The following PWWP2A variants were observed in gnomAD, a reference collection of about 807,000 sequenced individuals.
The protein encoded by PWWP2A is PWWP domain-containing protein 2A.
PWWP2A carries 18 observed loss-of-function variants against 48.5 expected under a neutral mutation model. The ratio of observed to expected loss-of-function variants is 0.37; its 90% CI spans 0.26 to 0.55. PWWP2A has a LOEUF of 0.55. Among genes scored for constraint, PWWP2A ranks in the 20% least tolerant of loss-of-function variants. The probability of loss-of-function intolerance (pLI) is 0.81; values close to 1 mark genes in which losing one functional copy is unlikely to be tolerated. For synonymous variants in PWWP2A, 396 were observed against 387.7 expected (o/e 1.02, Z -0.25); for missense variants, 867 against 976.4 (o/e 0.89, Z 1.49).
At position 160,110,217 on chromosome 5, in the gene PWWP2A, T is replaced by C. The variant is rs148850407; in HGVS notation, c.584+8588A>G. Among the ~76,000 whole-genome samples, 1,300 of 151,838 alleles carry C rather than the reference T, an allele frequency of 8.6e-3. 13 individuals carry two copies. Among genetic ancestry groups the C allele is most frequent in the Middle Eastern group, 0.021 (6 of 292 alleles). On this transcript the variant is annotated intron_variant, in intron 1 of 1. Coordinates refer to ENST00000307063, the MANE Select transcript of PWWP2A (RefSeq NM_001130864.2). Reference sequence around the variant, plus strand: ...TTTAATTTTTATAGCAGAGATAGGGTATCACCATGTTGGCCAGGCTGGTCT... The same window carrying C: ...TTTAATTTTTATAGCAGAGATAGGGCATCACCATGTTGGCCAGGCTGGTCT...
In PWWP2A at chr5:160,100,155, G is replaced by C. The variant is rs188069885; in HGVS notation, c.585-6090C>G. 4.2e-3 allele frequency among the ~76,000 whole-genome samples: 643 copies of C among 151,656 alleles called. 6 individuals are homozygous for C. The highest frequency in any genetic ancestry group is 0.014 in the African/African-American group (587 of 41,408). On this transcript the variant is annotated intron_variant, in intron 1 of 1. Coordinates refer to ENST00000307063, the MANE Select transcript of PWWP2A (RefSeq NM_001130864.2). Reference sequence around the variant, plus strand: ...ATCTCTACTAAAAATACAAAAATGAGCAAGGCATGGTGGCGCACACCTATA... The same window carrying C: ...ATCTCTACTAAAAATACAAAAATGACCAAGGCATGGTGGCGCACACCTATA...
intron 1 of PWWP2A, among the ~76,000 whole-genome samples, chr5:160,099,516 G>A (rs975992323): frequency 3.3e-5 from 5 of 152,156 alleles, no homozygotes; most frequent in South Asian, 2.1e-4. Context: ...TAATAGAGAC[G>A]TGGTCTCCCT....
the PWWP2A span, among the ~76,000 whole-genome samples, chr5:160,044,794 C>T: frequency 6.6e-6 from 1 of 152,184 alleles, no homozygotes; most frequent in African/African-American, 2.4e-5. Context: ...GGGAATGCAG[C>T]CCAGTAGGTC....
At chr5:160,103,135 T>C (rs927463710) in intron 1 of PWWP2A, among the ~76,000 whole-genome samples, 2 of 152,166 alleles carry the variant, frequency 1.3e-5, no homozygotes, top group Admixed American at 6.5e-5. Flanking sequence ...ACATAGAGAA[T>C]GACAAATTAA....
At chr5:160,067,401 G>T (rs1425315106) in intron 2 of PWWP2A, among the ~76,000 whole-genome samples, 1 of 152,154 alleles carries the variant, frequency 6.6e-6, no homozygotes, top group Non-Finnish European at 1.5e-5. Context: ...GTCACATCGT[G>T]CCTTGAGCTC....
chr5:160,118,027 A>C (rs1758312255), intron 1 of PWWP2A: 1 of 289,408 alleles, frequency 3.5e-6, no homozygotes, highest in Non-Finnish European at 5.2e-6. Context: ...AAAAATGAAA[A>C]TGTGGTTAAG....
At chr5:160,096,193 A>G (rs1436380003) in intron 1 of PWWP2A, among the ~76,000 whole-genome samples, 2 of 152,084 alleles carry the variant, frequency 1.3e-5, no homozygotes, top group Non-Finnish European at 2.9e-5. Flanking sequence ...AACTTACAGC[A>G]AATACTTACA....
At chr5:160,052,745 A>G in the PWWP2A span, among the ~76,000 whole-genome samples, 5 of 152,080 alleles carry the variant, frequency 3.3e-5, no homozygotes, top group Non-Finnish European at 5.9e-5. Context: ...TGGAATTAAA[A>G]CTTCCATTTG....
intron 2 of PWWP2A, among the ~76,000 whole-genome samples, chr5:160,084,574 G>T (rs1038741101): frequency 6.6e-6 from 1 of 151,294 alleles, no homozygotes; most frequent in African/African-American, 2.4e-5. Flanking sequence ...GACTACAGGC[G>T]TGCACCACCG....
At position 160,078,986 on chromosome 5, in the gene PWWP2A, A is replaced by G. The variant is rs1273965223; in HGVS notation, c.1670-818T>C. Among the ~76,000 whole-genome samples the G allele has an allele frequency of 6.6e-6, 1 of 152,236 alleles. No homozygotes were observed. Among genetic ancestry groups the G allele is most frequent in the Non-Finnish European group, 1.5e-5 (1 of 68,042 alleles). On this transcript the variant is annotated intron_variant, in intron 3 of 3. Coordinates refer to the PWWP2A transcript ENST00000456329. The surrounding 1 kb of genome is among the most constrained non-coding windows in gnomAD (Gnocchi z 4.2). ...CTCCGTCTAATACTACGAAGTAGAA[A>G]GAAGCCCACTGAAACCCTCTACAAT...
intron 1 of PWWP2A, among the ~76,000 whole-genome samples, chr5:160,110,567 G>A (rs1757455656): frequency 6.6e-6 from 1 of 151,698 alleles, no homozygotes; most frequent in South Asian, 2.1e-4. Flanking sequence ...TTAGCCAGGT[G>A]TGGTGGTGCA....
rs947724719 is a variant in PWWP2A at position 160,119,299 on chromosome 5, G to A, written c.90C>T (p.Ile30=). 3 of 1,384,134 alleles carry A rather than the reference G, an allele frequency of 2.2e-6. No homozygotes were observed. Among genetic ancestry groups the A allele is most frequent in the Non-Finnish European group, 2.8e-6 (3 of 1,075,746 alleles). The allele number at this position is 1,384,134 out of a possible 1,614,324, so 85.7% of individuals were successfully genotyped here. A position where few individuals can be genotyped will look rare whatever the true frequency, so the allele number is the denominator to read the frequency against. The change falls in exon 1 of 2, where the codon ATC becomes ATT. Residue 30 remains isoleucine (I), a synonymous_variant. Coordinates refer to ENST00000307063, the MANE Select transcript of PWWP2A (RefSeq NM_001130864.2). Reference sequence around the variant, plus strand: ...GGTCAGTGCCGGCCTCACTGCCGGGGATGGGCTCCATCTCCGGCTCGGCCT... The same window carrying A: ...GGTCAGTGCCGGCCTCACTGCCGGGAATGGGCTCCATCTCCGGCTCGGCCT... The part of the protein sequence containing the change: ...AGEAEPEMEP[I]PGSEAGTDPL...
intron 1 of PWWP2A, among the ~76,000 whole-genome samples, chr5:160,099,323 G>C (rs1003791351): frequency 4.6e-5 from 7 of 152,128 alleles, no homozygotes; most frequent in Admixed American, 4.6e-4. Flanking sequence ...ATGTGTTAAC[G>C]TATTAGTGAC....
chr5:160,094,316 A>C (rs889283637), intron 1 of PWWP2A, among the ~76,000 whole-genome samples: 2 of 152,260 alleles, frequency 1.3e-5, no homozygotes, highest in African/African-American at 4.8e-5. Flanking sequence ...GACTATACTT[A>C]AAGTAGATAT....
At chr5:160,110,971 TCA>T (rs1757503592) in intron 1 of PWWP2A, among the ~76,000 whole-genome samples, 1 of 99,034 alleles carries the variant, frequency 1.0e-5, no homozygotes. Flanking sequence ...AGACTCTGTC[TCA>T]AAAAAAAAAA....
downstream of PWWP2A, among the ~76,000 whole-genome samples, chr5:160,071,578 A>G (rs1006303648): frequency 1.3e-5 from 2 of 152,222 alleles, no homozygotes; most frequent in Non-Finnish European, 2.9e-5. Context: ...TAAGAGGAAG[A>G]GTCCAATAAT....
intron 1 of PWWP2A, among the ~76,000 whole-genome samples, chr5:160,110,860 G>T (rs1210161455): frequency 1.3e-5 from 2 of 150,036 alleles, no homozygotes; most frequent in African/African-American, 4.9e-5. Context: ...GATGAAATCC[G>T]TCTCTACTAA....
At chr5:160,114,593 G>A (rs10058573) in intron 1 of PWWP2A, among the ~76,000 whole-genome samples, 90,702 of 151,342 alleles carry the variant, frequency 0.6, 27,112 homozygotes, top group East Asian at 0.62. Context: ...GTAAAACCCC[G>A]TCTCCACAAA....
downstream of PWWP2A, among the ~76,000 whole-genome samples, chr5:160,073,807 G>A (rs961493793): frequency 6.6e-6 from 1 of 152,036 alleles, no homozygotes; most frequent in African/African-American, 2.4e-5. Context: ...GCTCACACCT[G>A]TAATCCCAGC....
Sources: gnomAD v4.1 joint callset for allele counts (sites outside exome capture counted in the v4.1 genomes callset) on GRCh38, gnomAD v4.1.1 for gene constraint, Gnocchi (gnomAD v3.1) non-coding constraint, MANE v1.5 for transcripts, NCBI Gene and HGNC (gene_info 2026-07-23, HGNC 2026-07-21) for gene names.